The following CDIN1 variants were observed in gnomAD, a reference collection of about 807,000 sequenced individuals.
CDIN1 encodes the protein CDAN1-interacting nuclease 1.
In CDIN1, 33 loss-of-function variants were observed where a neutral mutation model predicts 45.3. The ratio of observed to expected loss-of-function variants is 0.73; its 90% confidence interval spans 0.55 to 0.97. The LOEUF is 0.97. Ranked by LOEUF, CDIN1 falls within the 50% of genes least tolerant of loss-of-function variation. The probability of loss-of-function intolerance (pLI) is 0.00; values close to 1 mark genes in which losing one functional copy is unlikely to be tolerated. For synonymous variants in CDIN1, 118 were observed against 124.4 expected (o/e 0.95, Z 0.34); for missense variants, 303 against 339.4 (o/e 0.89, Z 0.84).
chr15:36,703,555 C>A (rs1259276743), intron 8 of CDIN1, among the ~76,000 whole-genome samples: 1 of 151,538 alleles, frequency 6.6e-6, no homozygotes, highest in East Asian at 2.0e-4. Flanking sequence ...GACAGGATAA[C>A]ATACAGGACA....
At position 36,697,324 on chromosome 15, in the gene CDIN1, G is replaced by A. The variant is rs1239222322; in HGVS notation, c.478G>A (p.Ala160Thr). The A allele has an allele frequency of 1.2e-6, 2 of 1,612,410 alleles. No individual in the cohort carries two copies. The highest frequency in any genetic ancestry group is 1.7e-6 in the Non-Finnish European group (2 of 1,179,388). The change falls in exon 8 of 11, where the codon GCC becomes ACC. Residue 160 changes from alanine (A) to threonine (T), a missense_variant and splice_region_variant. Transcript: ENST00000566621. ...YGPLVDCIKH[A>T]IGHEHEVLLR... is the part of the protein sequence containing the mutation. ...ACCCCCTTAACTGAAACTTCCCAGTGCCATTGGTCATGAGCATGAGGTCCT... is the reference window on the plus strand; with the variant it reads ...ACCCCCTTAACTGAAACTTCCCAGTACCATTGGTCATGAGCATGAGGTCCT...
intron 10 of CDIN1, among the ~76,000 whole-genome samples, chr15:36,802,686 A>G (rs535789046): frequency 3.3e-5 from 5 of 152,254 alleles, no homozygotes; most frequent in Non-Finnish European, 7.4e-5. Flanking sequence ...TTAAAAAAAA[A>G]GAGTAAGCAA....
At chr15:36,705,021 A>T (rs1436392400) in intron 8 of CDIN1, 1 of 152,172 alleles carries the variant, frequency 6.6e-6, no homozygotes, top group Non-Finnish European at 1.5e-5. Flanking sequence ...TGTAATTAGT[A>T]CTTAATTGCT....
chr15:36,756,072 A>T (rs1303842128), intron 10 of CDIN1: 1 of 455,978 alleles, frequency 2.2e-6, no homozygotes, highest in Non-Finnish European at 4.4e-6. Flanking sequence ...TCCTATGAGG[A>T]CTGGAGTAGA....
chr15:36,581,067 A>G (rs1244002367), intron 1 of CDIN1, among the ~76,000 whole-genome samples: 1 of 152,228 alleles, frequency 6.6e-6, no homozygotes. Context: ...ATTTAGGGCA[A>G]TATTTATCCC....
At chr15:36,758,559 C>T (rs997063979) in intron 10 of CDIN1, among the ~76,000 whole-genome samples, 37 of 152,094 alleles carry the variant, frequency 2.4e-4, no homozygotes, top group African/African-American at 8.7e-4. Context: ...GTATTTTATG[C>T]ACCTGCGACA....
At position 36,810,099 on chromosome 15, in the gene CDIN1, TCTAAA is replaced by T. The variant is rs2055349526; in HGVS notation, c.*1649_*1653del. 1 of 152,268 alleles carries T rather than the reference TCTAAA, an allele frequency of 6.6e-6. No individual in the cohort carries two copies. The highest frequency in any genetic ancestry group is 2.4e-5 in the African/African-American group (1 of 41,558). The allele number at this position is 152,268 out of a possible 1,614,324, so 9.4% of individuals were successfully genotyped here. On this transcript the variant is annotated 3_prime_UTR_variant, in exon 11 of 11. Transcript: ENST00000566621. ...GTTAAAAGCAGGTTTCCTGGCATGT[TCTAAA>T]CTGTTTTTTCTTTAGGAATAAATTA...
At chr15:36,681,465 A>T (rs2041848656) in intron 5 of CDIN1, among the ~76,000 whole-genome samples, 1 of 152,164 alleles carries the variant, frequency 6.6e-6, no homozygotes, top group Non-Finnish European at 1.5e-5. Context: ...CAGATGTCTA[A>T]TACCAGTTTC....
At chr15:36,613,879 T>C in intron 1 of CDIN1, 5 of 1,568,452 alleles carry the variant, frequency 3.2e-6, no homozygotes, top group African/African-American at 1.3e-5. Context: ...GGGTGATCAC[T>C]GAAGGAGACT....
intron 10 of CDIN1, among the ~76,000 whole-genome samples, chr15:36,744,983 C>T (rs570161065): frequency 6.6e-6 from 1 of 152,112 alleles, no homozygotes; most frequent in African/African-American, 2.4e-5. Context: ...ATCCATAAGT[C>T]AGGAAGCAGA....
At chr15:36,729,744 T>A (rs1039484048) in intron 10 of CDIN1, among the ~76,000 whole-genome samples, 1 of 152,214 alleles carries the variant, frequency 6.6e-6, no homozygotes, top group Non-Finnish European at 1.5e-5. Flanking sequence ...TTTTCTAAGA[T>A]TTGTCATTTA....
At chr15:36,734,399 A>ATT (rs5811933) in intron 10 of CDIN1, 1,878 of 384,826 alleles carry the variant, frequency 4.9e-3, no homozygotes, top group South Asian at 0.01. Flanking sequence ...AACTTTTATA[A>ATT]TTTTTTTTTT....
chr15:36,774,133 G>GGTGTGTGTGTGTGTGTGTGTGTGTGTGT (rs761451923), intron 10 of CDIN1, among the ~76,000 whole-genome samples: 2 of 138,746 alleles, frequency 1.4e-5, no homozygotes, highest in East Asian at 4.4e-4. Flanking sequence ...AACTGACAGG[G>GGTGTGTGTGTGTGTGTGTGTGTGTGTGT]GTGTGTGTGT....
intron 1 of CDIN1, among the ~76,000 whole-genome samples, chr15:36,588,191 CAG>C (rs1377633186): frequency 1.3e-5 from 2 of 152,084 alleles, no homozygotes; most frequent in Non-Finnish European, 2.9e-5. Context: ...GTATCGTTAA[CAG>C]AAACTTCTTT....
chr15:36,728,772 C>G (rs1402894013), intron 10 of CDIN1, among the ~76,000 whole-genome samples: 2 of 152,104 alleles, frequency 1.3e-5, no homozygotes, highest in Non-Finnish European at 2.9e-5. Flanking sequence ...CTCCCAGGTA[C>G]AAGCAATTCC....
At chr15:36,667,034 ATG>A (rs139330393) in intron 5 of CDIN1, among the ~76,000 whole-genome samples, 1,999 of 152,284 alleles carry the variant, frequency 0.013, 35 homozygotes, top group African/African-American at 0.046. Context: ...AGCAGTGACA[ATG>A]TGATTCCAGA....
At chr15:36,762,899 A>G (rs2141002528) in intron 10 of CDIN1, among the ~76,000 whole-genome samples, 1 of 152,112 alleles carries the variant, frequency 6.6e-6, no homozygotes, top group African/African-American at 2.4e-5. Context: ...TCATTGATGG[A>G]CATTTGGGTT....
At chr15:36,590,206 T>C (rs2054015) in intron 1 of CDIN1, among the ~76,000 whole-genome samples, 86,520 of 151,924 alleles carry the variant, frequency 0.57, 25,082 homozygotes, top group Middle Eastern at 0.68. Context: ...GTGTTCAAAC[T>C]GTGACCTCAT....
At chr15:36,692,697 A>G (rs2140721647) in intron 7 of CDIN1, among the ~76,000 whole-genome samples, 1 of 152,270 alleles carries the variant, frequency 6.6e-6, no homozygotes, top group Middle Eastern at 3.4e-3. Flanking sequence ...CCTAATAAAC[A>G]TTTTTAGAGA....
Sources: allele counts gnomAD v4.1 joint callset (sites outside exome capture counted in the v4.1 genomes callset), GRCh38; gene constraint gnomAD v4.1.1; transcripts MANE v1.5; gene names NCBI Gene and HGNC (gene_info 2026-07-23, HGNC 2026-07-21).